The following DLGAP1 variants were observed in gnomAD, a reference collection of about 807,000 sequenced individuals.
The protein encoded by DLGAP1 is DLG associated protein 1.
In DLGAP1, 11 loss-of-function variants were observed where a neutral mutation model predicts 90.8. The observed-to-expected ratio is 0.12, with a 90% CI of 0.08 to 0.20. The LOEUF is 0.20. DLGAP1 is among the 10% of genes least tolerant of loss of function. DLGAP1 has a pLI of 1.00. For synonymous variants in DLGAP1, 558 were observed against 540.7 expected (o/e 1.03, Z -0.44); for missense variants, 1,050 against 1,333.8 (o/e 0.79, Z 3.31).
chr18:3,851,153 C>A (rs1568237597), intron 4 of DLGAP1, among the ~76,000 whole-genome samples: 2 of 151,944 alleles, frequency 1.3e-5, no homozygotes, highest in African/African-American at 4.8e-5. Flanking sequence ...CTAGATATAG[C>A]AGAACTCAGA....
intron 2 of DLGAP1, among the ~76,000 whole-genome samples, chr18:4,099,240 CT>C (rs1172680209): frequency 3.2e-5 from 4 of 125,678 alleles, no homozygotes; most frequent in Non-Finnish European, 7.1e-5. Context: ...GAAAATAGAT[CT>C]GTCTGTCTGT....
intron 2 of DLGAP1, among the ~76,000 whole-genome samples, chr18:4,148,961 A>G (rs2076629759): frequency 6.6e-6 from 1 of 152,200 alleles, no homozygotes; most frequent in Admixed American, 6.5e-5. Flanking sequence ...TTAATGTACT[A>G]AATCTGTTTT....
intron 5 of DLGAP1, among the ~76,000 whole-genome samples, chr18:3,763,042 T>C (rs897482843): frequency 6.6e-6 from 1 of 152,126 alleles, no homozygotes; most frequent in Non-Finnish European, 1.5e-5. Context: ...CTTGATTGGA[T>C]TGAAGGATGC....
intron 7 of DLGAP1, among the ~76,000 whole-genome samples, chr18:3,622,665 C>T (rs1037533266): frequency 6.6e-6 from 1 of 152,236 alleles, no homozygotes; most frequent in Middle Eastern, 3.2e-3. Flanking sequence ...TTCCTCTCAT[C>T]TTTCCCCAAT....
At chr18:3,586,651 G>A (rs574903533) in intron 7 of DLGAP1, among the ~76,000 whole-genome samples, 1 of 152,242 alleles carries the variant, frequency 6.6e-6, no homozygotes. Flanking sequence ...GGAGAGGAAA[G>A]GGATTCAAAT....
chr18:4,327,928 T>C (rs375842262), intron 1 of DLGAP1, among the ~76,000 whole-genome samples: 1 of 151,998 alleles, frequency 6.6e-6, no homozygotes, highest in African/African-American at 2.4e-5. Context: ...CTGAAGACAT[T>C]TGAGTTCCTG....
At chr18:3,603,203 C>T (rs1393600344) in intron 7 of DLGAP1, 3 of 152,156 alleles carry the variant, frequency 2.0e-5, no homozygotes, top group Non-Finnish European at 4.4e-5. Context: ...AAAGGCAAGT[C>T]TTGTCACCCT....
At chr18:4,368,663 A>T (rs2081837983) in intron 1 of DLGAP1, among the ~76,000 whole-genome samples, 1 of 150,876 alleles carries the variant, frequency 6.6e-6, no homozygotes, top group South Asian at 2.1e-4. Context: ...ACACACACAC[A>T]CACACACACA....
intron 1 of DLGAP1, among the ~76,000 whole-genome samples, chr18:4,387,100 C>T (rs1294434852): frequency 6.6e-6 from 1 of 152,078 alleles, no homozygotes; most frequent in East Asian, 1.9e-4. Context: ...AATACCTAAA[C>T]CCTCATTGGA....
At chr18:3,965,940 C>A (rs1016653118) in intron 3 of DLGAP1, among the ~76,000 whole-genome samples, 621 of 100,204 alleles carry the variant, frequency 6.2e-3, no homozygotes, top group East Asian at 7.8e-3. Flanking sequence ...GACTCCATGT[C>A]AAAAAAAAAA....
At position 4,347,168 on chromosome 18, in the gene DLGAP1, A is replaced by G. The variant is rs946071351; in HGVS notation, c.-267+107838T>C. On this transcript the variant is annotated intron_variant, in intron 1 of 12. Coordinates refer to ENST00000315677, the MANE Select transcript of DLGAP1 (RefSeq NM_004746.4). ...GACTCCATTAATGGAGAAAGTTTAA[A>G]GAGATCAATTTCCATACAAGAAATA... Among the ~76,000 whole-genome samples, 9 of 152,254 alleles carry G rather than the reference A, an allele frequency of 5.9e-5. 1 individual carries two copies. Among genetic ancestry groups the G allele is most frequent in the East Asian group, 3.9e-4 (2 of 5,190 alleles).
rs995714830 is a variant in DLGAP1, at chr18:4,134,218, G to A, written c.-159+16962C>T. On this transcript the variant is annotated intron_variant, in intron 2 of 12. Coordinates refer to ENST00000315677, the MANE Select transcript of DLGAP1 (RefSeq NM_004746.4). ...TGCCAAGAAACACCCGTGTTCTCCT[G>A]TCTCTCTTTGCATCCTCCCCAGCTA... 3.9e-5 allele frequency among the ~76,000 whole-genome samples: 6 copies of A among 151,938 alleles called. 1 individual carries two copies. The highest frequency in any genetic ancestry group is 3.9e-4 in the Admixed American group (6 of 15,246).
intron 2 of DLGAP1, among the ~76,000 whole-genome samples, chr18:4,043,048 C>T (rs563030226): frequency 1.3e-5 from 2 of 152,100 alleles, no homozygotes; most frequent in Non-Finnish European, 2.9e-5. Context: ...TGTATTTGTC[C>T]TCAGACGTAA....
intron 3 of DLGAP1, among the ~76,000 whole-genome samples, chr18:3,905,408 T>TGAATAAAGG (rs1290665044): frequency 7.6e-6 from 1 of 132,256 alleles, no homozygotes; most frequent in Non-Finnish European, 1.6e-5. Flanking sequence ...GAAATGTACC[T>TGAATAAAGG]GAATAAAGGG....
At chr18:4,192,778 G>C (rs758293931) in intron 1 of DLGAP1, among the ~76,000 whole-genome samples, 5 of 152,292 alleles carry the variant, frequency 3.3e-5, no homozygotes, top group South Asian at 2.1e-4. Flanking sequence ...GACTAGAGGT[G>C]AGGTTAGAGC....
intron 5 of DLGAP1, among the ~76,000 whole-genome samples, chr18:3,758,450 T>C (rs1254240542): frequency 6.6e-6 from 1 of 152,232 alleles, no homozygotes; most frequent in Admixed American, 6.5e-5. Context: ...TTGATCATTA[T>C]TGGCCAAAAT....
At position 3,727,132 on chromosome 18, in the gene DLGAP1, T is replaced by A. The variant is rs1240143719; in HGVS notation, c.1591+2003A>T. On this transcript the variant is annotated intron_variant, in intron 7 of 12. Coordinates refer to ENST00000315677, the MANE Select transcript of DLGAP1 (RefSeq NM_004746.4). This position sits in a 1 kb window ranked among gnomAD's most constrained non-coding sequence, Gnocchi z 4.7. Reference sequence around the variant, plus strand: ...AGTGTTTCTCATGCAATATTTGGGATATACCTATCCAGCAGAATTATTCAC... The same window carrying A: ...AGTGTTTCTCATGCAATATTTGGGAAATACCTATCCAGCAGAATTATTCAC... Among the ~76,000 whole-genome samples the A allele has an allele frequency of 6.6e-6, 1 of 152,234 alleles. No individual in the cohort carries two copies. Among genetic ancestry groups the A allele is most frequent in the African/African-American group, 2.4e-5 (1 of 41,466 alleles).
intron 1 of DLGAP1, among the ~76,000 whole-genome samples, chr18:4,341,596 T>C (rs534609062): frequency 9.2e-5 from 14 of 152,210 alleles, no homozygotes; most frequent in Non-Finnish European, 1.5e-4. Context: ...CTCAGACATT[T>C]GGGGTTTCTT....
At chr18:3,794,028 T>C (rs2065868335) in intron 5 of DLGAP1, among the ~76,000 whole-genome samples, 2 of 152,208 alleles carry the variant, frequency 1.3e-5, no homozygotes, top group Non-Finnish European at 2.9e-5. Context: ...GCACAGTGCC[T>C]GGTACACAGC....
Sources: gnomAD v4.1 joint callset for allele counts (sites outside exome capture counted in the v4.1 genomes callset) on GRCh38, gnomAD v4.1.1 for gene constraint, Gnocchi (gnomAD v3.1) non-coding constraint, MANE v1.5 for transcripts, NCBI Gene and HGNC (gene_info 2026-07-23, HGNC 2026-07-21) for gene names.